Variants in FKBP9 observed in about 807,000 individuals in gnomAD.
FKBP9 encodes the protein FKBP prolyl isomerase 9.
A neutral mutation model predicts 55.6 loss-of-function variants in FKBP9; 27 were observed. The ratio of observed to expected loss-of-function variants is 0.49; its 90% CI spans 0.36 to 0.67. The LOEUF is 0.67. Among genes scored for constraint, FKBP9 ranks in the 30% least tolerant of loss-of-function variants. FKBP9 has a pLI of 0.00. For synonymous variants in FKBP9, 267 were observed against 296.5 expected, an observed-to-expected ratio of 0.90 and a Z score of 1.02; for missense variants, 539 against 742.8, an observed-to-expected ratio of 0.73 and a Z score of 3.19.
intron 1 of FKBP9, among the ~76,000 whole-genome samples, chr7:32,965,843 A>ATATGTG (rs1309792242): frequency 4.6e-4 from 19 of 41,402 alleles, no homozygotes; most frequent in African/African-American, 1.2e-3. Context: ...ATATATATAT[A>ATATGTG]TGTGTGTACA....
At chr7:32,997,019 C>G (rs1784812234) in intron 7 of FKBP9, among the ~76,000 whole-genome samples, 1 of 151,604 alleles carries the variant, frequency 6.6e-6, no homozygotes, top group Non-Finnish European at 1.5e-5. Context: ...TGGTCTCGAT[C>G]TCCTGACCTC....
At chr7:32,974,206 GC>G (rs1784313424) in intron 1 of FKBP9, among the ~76,000 whole-genome samples, 1 of 151,004 alleles carries the variant, frequency 6.6e-6, no homozygotes, top group Admixed American at 6.6e-5. Flanking sequence ...AGGCGGGGGG[GC>G]CTCACTTTGT....
intron 6 of FKBP9, among the ~76,000 whole-genome samples, chr7:32,991,658 G>A (rs1262961021): frequency 6.6e-6 from 1 of 151,842 alleles, no homozygotes; most frequent in African/African-American, 2.4e-5. Flanking sequence ...GATTGGTGGA[G>A]GGGAAAGGGT....
In FKBP9 at chr7:32,982,211, G is replaced by A. The variant is rs537494419; in HGVS notation, c.893+1658G>A. On this transcript the variant is annotated intron_variant, in intron 5 of 9. Transcript: ENST00000242209. ...AATTTTTGTATTTTTAGTAGAAACG[G>A]GGTTTCACCATATTGGCCAGGCTGG... Among the ~76,000 whole-genome samples the A allele has an allele frequency of 5.3e-5, 8 of 152,070 alleles. 1 individual carries two copies. In the South Asian group the frequency reaches 1.5e-3, roughly 28 times the overall value.
chr7:32,970,509 T>C (rs1784231524), intron 1 of FKBP9, among the ~76,000 whole-genome samples: 1 of 152,034 alleles, frequency 6.6e-6, no homozygotes, highest in Non-Finnish European at 1.5e-5. Flanking sequence ...TTTAATTTCT[T>C]TCAGCAATGT....
In FKBP9 at chr7:32,978,991, G is replaced by T. The variant is rs563169506; in HGVS notation, c.704-1373G>T. ...GCTAGAAAAATTGAAACCCCAGGCCGGGCGCAGTGGCTGCCGCCTGTAATC... is the reference window on the plus strand; with the variant it reads ...GCTAGAAAAATTGAAACCCCAGGCCTGGCGCAGTGGCTGCCGCCTGTAATC... On this transcript the variant is annotated intron_variant, in intron 4 of 9. Coordinates refer to ENST00000242209, the MANE Select transcript of FKBP9 (RefSeq NM_007270.5). Among the ~76,000 whole-genome samples the T allele has an allele frequency of 3.9e-5, 6 of 152,248 alleles. No homozygotes were observed. The East Asian group carries it at 1.2e-3, about 29-fold the overall frequency.
At chr7:32,982,855 T>C (rs1784506156) in intron 5 of FKBP9, among the ~76,000 whole-genome samples, 1 of 152,248 alleles carries the variant, frequency 6.6e-6, no homozygotes, top group African/African-American at 2.4e-5. Context: ...ATCCTTGTTG[T>C]TTGTCCTGTA....
chr7:32,987,116 G>T (rs140092273), intron 5 of FKBP9, among the ~76,000 whole-genome samples: 43 of 152,266 alleles, frequency 2.8e-4, no homozygotes, highest in Non-Finnish European at 5.1e-4. Context: ...GTGAGCAGGG[G>T]TGATAGTGGG....
rs887224966 is a variant in FKBP9 at position 32,957,639 on chromosome 7, G to A, written c.66G>A (p.Gly22=). The part of the protein sequence containing the change: ...PLLLLLLWVT[G]QAAPVAGLGS... ...TCCTGCTGCTGCTCTGGGTGACCGG[G>A]CAGGCAGCGCCCGTGGCGGGCCTGG... The change falls in exon 1 of 10, where the codon GGG becomes GGA. Residue 22 remains glycine (G), a synonymous_variant. Coordinates refer to ENST00000242209, the MANE Select transcript of FKBP9 (RefSeq NM_007270.5). The A allele has an allele frequency of 3.3e-6, 5 of 1,498,500 alleles. No homozygotes were observed. The African/African-American group carries it at 4.4e-5, about 13-fold the overall frequency. The allele number at this position is 1,498,500 out of a possible 1,614,324, so 92.8% of individuals were successfully genotyped here. A position where few individuals can be genotyped will look rare whatever the true frequency, so the allele number is the denominator to read the frequency against.
intron 2 of FKBP9, 193 bp from the exon 3 acceptor site, chr7:32,974,989 A>C (rs1016968191): frequency 2.3e-5 from 15 of 643,406 alleles, no homozygotes; most frequent in Non-Finnish European, 3.5e-5. Context: ...AATGAGAAGA[A>C]GACTGTTTTT....
At chr7:33,000,056 A>C in intron 7 of FKBP9, 59 bp from the exon 8 acceptor site, 1 of 1,602,698 alleles carries the variant, frequency 6.2e-7, no homozygotes, top group South Asian at 1.1e-5. Flanking sequence ...TTCTCATGGG[A>C]ACACTCTCAG....
intron 8 of FKBP9, chr7:33,002,158 G>A (rs947827160): frequency 6.6e-6 from 1 of 152,044 alleles, no homozygotes; most frequent in African/African-American, 2.4e-5. Flanking sequence ...TTTTGAGATG[G>A]AGTCTCACTC....
rs70989913 is a variant in FKBP9, at chr7:32,965,866, T to TATGTATACACATATATATATAC, written c.221+8073_221+8074insTGTATACACATATATATATACA. ...ATATGTGTGTACAGATATATATATATACATACATATATATATATAGAGAGA... is the reference window on the plus strand; with the variant it reads ...ATATGTGTGTACAGATATATATATATATGTATACACATATATATATACACATACATATATATATATAGAGAGA... On this transcript the variant is annotated intron_variant, in intron 1 of 9. Transcript: ENST00000242209. 3.4e-3 allele frequency among the ~76,000 whole-genome samples: 335 copies of TATGTATACACATATATATATAC among 97,510 alleles called. 13 individuals carry two copies. Among genetic ancestry groups the TATGTATACACATATATATATAC allele is most frequent in the African/African-American group, 0.013 (274 of 21,068 alleles). The allele number at this position is 97,510 out of a possible 152,430, so 64.0% of individuals were successfully genotyped here.
At chr7:32,988,165 C>T (rs1200166666) in intron 5 of FKBP9, among the ~76,000 whole-genome samples, 2 of 152,168 alleles carry the variant, frequency 1.3e-5, no homozygotes, top group African/African-American at 4.8e-5. Context: ...GCCTGGGTGA[C>T]AGAGTGAGAC....
chr7:32,958,142 A>G (rs1783942914), intron 1 of FKBP9, among the ~76,000 whole-genome samples: 1 of 152,188 alleles, frequency 6.6e-6, no homozygotes, highest in African/African-American at 2.4e-5. Context: ...GACCCCCAAG[A>G]GTGGATGTTC....
Position 32,977,803 on chromosome 7 carries a change from TTA to T in FKBP9, c.703+1316_703+1317del, listed in dbSNP as rs879432629. On this transcript the variant is annotated intron_variant, in intron 4 of 9. Coordinates refer to ENST00000242209, the MANE Select transcript of FKBP9 (RefSeq NM_007270.5). ...TCTATCTCCATATATATATATATAC[TTA>T]TATATATATATGTATATATACACGC... Among the ~76,000 whole-genome samples, 225 of 123,150 alleles carry T rather than the reference TTA, an allele frequency of 1.8e-3. 1 individual carries two copies. The highest frequency in any genetic ancestry group is 0.013 in the East Asian group (60 of 4,554). The allele number at this position is 123,150 out of a possible 152,430, so 80.8% of individuals were successfully genotyped here.
chr7:32,958,237 T>A (rs1307920809), intron 1 of FKBP9, among the ~76,000 whole-genome samples: 1 of 152,154 alleles, frequency 6.6e-6, no homozygotes, highest in Non-Finnish European at 1.5e-5. Context: ...CACAGAACAA[T>A]GATGAAGAGG....
At chr7:33,001,371 C>T (rs1037358209) in intron 8 of FKBP9, among the ~76,000 whole-genome samples, 16 of 151,968 alleles carry the variant, frequency 1.1e-4, no homozygotes, top group African/African-American at 2.9e-4. Flanking sequence ...GGTGAAACCC[C>T]GTCTCTACAA....
At chr7:32,977,638 A>G (rs989048904) in intron 4 of FKBP9, among the ~76,000 whole-genome samples, 10 of 151,998 alleles carry the variant, frequency 6.6e-5, no homozygotes, top group African/African-American at 2.4e-4. Context: ...AAATGAGAAC[A>G]TGATGCTTCT....
Sources: allele counts gnomAD v4.1 joint callset (sites outside exome capture counted in the v4.1 genomes callset), GRCh38; gene constraint gnomAD v4.1.1; transcripts MANE v1.5; gene names NCBI Gene and HGNC (gene_info 2026-07-23, HGNC 2026-07-21).